The following FSTL1 variants were observed in gnomAD, a reference collection of about 807,000 sequenced individuals.
FSTL1 encodes the protein follistatin-related protein 1.
A neutral mutation model predicts 45.9 loss-of-function variants in FSTL1; 24 were observed. The observed-to-expected ratio is 0.52, with a 90% CI of 0.38 to 0.74. FSTL1 has a LOEUF of 0.74. FSTL1 is among the 30% of genes least tolerant of loss of function. The pLI, the probability that FSTL1 is intolerant of heterozygous loss-of-function variation, is 0.00. For missense variants in FSTL1, 340 were observed against 381.8 expected, an observed-to-expected ratio of 0.89 and a Z score of 0.91; for synonymous variants, 120 against 137.6, an observed-to-expected ratio of 0.87 and a Z score of 0.89.
At chr3:120,437,255 T>G (rs1218236172) in intron 2 of FSTL1, among the ~76,000 whole-genome samples, 1 of 152,184 alleles carries the variant, frequency 6.6e-6, no homozygotes, top group Admixed American at 6.5e-5. Context: ...TTACAGAAGC[T>G]AATAGGATAT....
At chr3:120,410,795 G>A in intron 5 of FSTL1, 157 bp downstream of exon 5, 1 of 745,688 alleles carries the variant, frequency 1.3e-6, no homozygotes, top group South Asian at 1.4e-5. Context: ...TAGTTTTGCA[G>A]CTTTTCTGAG....
chr3:120,412,238 C>A (rs1324481182), intron 3 of FSTL1, among the ~76,000 whole-genome samples: 3 of 152,134 alleles, frequency 2.0e-5, no homozygotes, highest in Non-Finnish European at 4.4e-5. Context: ...AAAGAGACAC[C>A]CTCTATAGTT....
At chr3:120,424,819 G>A (rs569893644) in intron 2 of FSTL1, among the ~76,000 whole-genome samples, 1 of 152,212 alleles carries the variant, frequency 6.6e-6, no homozygotes, top group Admixed American at 6.5e-5. Flanking sequence ...TGAAGTCTGG[G>A]AAAGGTGTCC....
chr3:120,408,954 T>C (rs1936998632), intron 6 of FSTL1, among the ~76,000 whole-genome samples: 1 of 152,202 alleles, frequency 6.6e-6, no homozygotes, highest in Admixed American at 6.5e-5. Flanking sequence ...TCATTTCTCT[T>C]TGTGAAAATA....
intron 2 of FSTL1, among the ~76,000 whole-genome samples, chr3:120,429,605 A>C (rs1238348248): frequency 6.6e-6 from 1 of 152,206 alleles, no homozygotes; most frequent in Non-Finnish European, 1.5e-5. Flanking sequence ...TCAAGGGGGC[A>C]TGAATTTTTC....
chr3:120,406,510 G>A (rs1936951096), intron 6 of FSTL1, among the ~76,000 whole-genome samples: 1 of 152,204 alleles, frequency 6.6e-6, no homozygotes, highest in African/African-American at 2.4e-5. Context: ...GCTCTCAAAA[G>A]GCAGTGCTGT....
intron 2 of FSTL1, among the ~76,000 whole-genome samples, chr3:120,425,485 C>T (rs1380104392): frequency 2.0e-5 from 3 of 152,032 alleles, no homozygotes; most frequent in Non-Finnish European, 4.4e-5. Flanking sequence ...CTGAAATGGG[C>T]CCTGGATATA....
intron 7 of FSTL1, among the ~76,000 whole-genome samples, 165 bp downstream of exon 7, chr3:120,404,688 A>C (rs975699175): frequency 1.3e-5 from 2 of 152,260 alleles, no homozygotes; most frequent in Non-Finnish European, 2.9e-5. Context: ...TACTCAATAT[A>C]TTAATTCATA....
chr3:120,411,680 C>T (rs565948982), intron 4 of FSTL1, among the ~76,000 whole-genome samples, 174 bp downstream of exon 4: 9 of 152,342 alleles, frequency 5.9e-5, no homozygotes, highest in Non-Finnish European at 1.0e-4. Flanking sequence ...CCAGGGCAAA[C>T]CCAGCAGGCT....
intron 2 of FSTL1, among the ~76,000 whole-genome samples, chr3:120,442,170 G>A (rs1488659468): frequency 1.3e-5 from 2 of 152,208 alleles, no homozygotes; most frequent in African/African-American, 4.8e-5. Flanking sequence ...ACCATGAGTA[G>A]AGGAGACCTT....
intron 7 of FSTL1, among the ~76,000 whole-genome samples, chr3:120,403,920 C>CAAAAAAAAAAAAA (rs34145564): frequency 2.3e-4 from 12 of 52,128 alleles, no homozygotes; most frequent in Non-Finnish European, 3.2e-4. Flanking sequence ...GACTCCGTCT[C>CAAAAAAAAAAAAA]AAAAAAAAAA....
chr3:120,441,697 G>A (rs983557918), intron 2 of FSTL1, among the ~76,000 whole-genome samples: 7 of 152,226 alleles, frequency 4.6e-5, no homozygotes, highest in African/African-American at 1.4e-4. Flanking sequence ...CGCACCCATG[G>A]CTTTTGGAGT....
At chr3:120,434,035 A>G (rs553618408) in intron 2 of FSTL1, among the ~76,000 whole-genome samples, 1 of 152,314 alleles carries the variant, frequency 6.6e-6, no homozygotes, top group East Asian at 1.9e-4. Context: ...TATGTGTTTT[A>G]CAAAGATTAC....
At chr3:120,434,786 C>T (rs1158284157) in intron 2 of FSTL1, among the ~76,000 whole-genome samples, 2 of 152,186 alleles carry the variant, frequency 1.3e-5, no homozygotes, top group Non-Finnish European at 2.9e-5. Flanking sequence ...ACAATAGCAA[C>T]TACTATTTAT....
intron 2 of FSTL1, among the ~76,000 whole-genome samples, chr3:120,431,827 AAGGCAGCATGTC>A (rs771735678): frequency 5.3e-5 from 8 of 152,206 alleles, no homozygotes; most frequent in Non-Finnish European, 1.0e-4. Context: ...ACATACAGGC[AAGGCAGCATGTC>A]AGGCTGCATC....
chr3:120,423,195 T>G (rs1312877910), intron 2 of FSTL1: 1 of 152,150 alleles, frequency 6.6e-6, no homozygotes, highest in East Asian at 1.9e-4. Context: ...ATTCTCTATG[T>G]GTCTTTTCAG....
At position 120,394,362 on chromosome 3, in the gene FSTL1, C is replaced by G. The variant is rs965304258; in HGVS notation, c.*2590G>C. The G allele has an allele frequency of 2.0e-5, 3 of 152,278 alleles. No homozygotes were observed. The highest frequency in any genetic ancestry group is 7.2e-5 in the African/African-American group (3 of 41,564). The allele number at this position is 152,278 out of a possible 1,614,324, so 9.4% of individuals were successfully genotyped here. On this transcript the variant is annotated 3_prime_UTR_variant, in exon 11 of 11. Transcript: ENST00000295633. ...AAACAAGTTAAATGCAATATAGAAG[C>G]CTACTAAATACAAATACAAGTTCAC...
intron 2 of FSTL1, among the ~76,000 whole-genome samples, chr3:120,441,973 T>C (rs565228489): frequency 6.6e-6 from 1 of 152,308 alleles, no homozygotes; most frequent in African/African-American, 2.4e-5. Flanking sequence ...ATGTTATACT[T>C]CCTCTCGAGG....
At chr3:120,402,112 G>GC (rs1035545525) in intron 9 of FSTL1, among the ~76,000 whole-genome samples, 3 of 152,052 alleles carry the variant, frequency 2.0e-5, no homozygotes, top group African/African-American at 7.2e-5. Flanking sequence ...GCCTCACACT[G>GC]CCCCACAAAC....
Sources: allele counts gnomAD v4.1 joint callset (sites outside exome capture counted in the v4.1 genomes callset), GRCh38; gene constraint gnomAD v4.1.1; transcripts MANE v1.5; gene names NCBI Gene and HGNC (gene_info 2026-07-23, HGNC 2026-07-21).